HIKESHI: variants seen among roughly 807,000 people sequenced by gnomAD.
HIKESHI encodes protein Hikeshi.
A neutral mutation model predicts 25.7 loss-of-function variants in HIKESHI; 13 were observed. That is an observed-to-expected ratio of 0.51 (90% CI 0.33 to 0.80). The LOEUF (loss-of-function observed/expected upper bound fraction) is 0.80. Ranked by LOEUF, HIKESHI falls within the 30% of genes least tolerant of loss-of-function variation. The pLI is 0.02. For missense variants in HIKESHI, 174 were observed against 229.5 expected (o/e 0.76, Z 1.56); for synonymous variants, 76 against 78.7 (o/e 0.97, Z 0.18).
chr11:86,309,188 A>T (rs1405060293), intron 2 of HIKESHI, among the ~76,000 whole-genome samples: 7 of 152,132 alleles, frequency 4.6e-5, no homozygotes, highest in Non-Finnish European at 5.9e-5. Context: ...TCCCACCAAG[A>T]GTGTAAAAGT....
At chr11:86,335,417 C>A (rs1431466911) in intron 2 of HIKESHI, among the ~76,000 whole-genome samples, 1 of 152,152 alleles carries the variant, frequency 6.6e-6, no homozygotes, top group African/African-American at 2.4e-5. Context: ...CTTTGAAATT[C>A]TCTGACATAT....
chr11:86,311,387 C>T (rs1946829976), intron 2 of HIKESHI, among the ~76,000 whole-genome samples: 1 of 152,162 alleles, frequency 6.6e-6, no homozygotes. Context: ...GTTTGTATTT[C>T]TGTGGGATCG....
chr11:86,326,069 G>A (rs1474073477), intron 2 of HIKESHI, among the ~76,000 whole-genome samples: 2 of 152,044 alleles, frequency 1.3e-5, no homozygotes. Context: ...AGGCTGAGGC[G>A]GGCAGATCAC....
At chr11:86,341,488 C>CTTTTTTTTTT (rs112151717) in intron 3 of HIKESHI, among the ~76,000 whole-genome samples, 1 of 142,810 alleles carries the variant, frequency 7.0e-6, no homozygotes. Context: ...TGGAATTCTC[C>CTTTTTTTTTT]TTTTTTTTTT....
At chr11:86,310,115 A>G (rs1946793660) in intron 2 of HIKESHI, among the ~76,000 whole-genome samples, 1 of 147,968 alleles carries the variant, frequency 6.8e-6, no homozygotes, top group Admixed American at 6.9e-5. Context: ...AGTCATTGGT[A>G]GCTTGATGGG....
chr11:86,323,316 A>G (rs1947196511), intron 2 of HIKESHI, among the ~76,000 whole-genome samples: 1 of 152,192 alleles, frequency 6.6e-6, no homozygotes, highest in Admixed American at 6.5e-5. Flanking sequence ...ATACTTTTAT[A>G]GTTTTTTTGA....
intron 2 of HIKESHI, among the ~76,000 whole-genome samples, chr11:86,309,638 C>A (rs974517169): frequency 3.3e-5 from 5 of 152,094 alleles, no homozygotes; most frequent in Non-Finnish European, 7.4e-5. Flanking sequence ...GTCATGAATT[C>A]CTTGCCCATG....
At chr11:86,305,522 G>T (rs752427219) in intron 1 of HIKESHI, among the ~76,000 whole-genome samples, 29 of 152,026 alleles carry the variant, frequency 1.9e-4, no homozygotes, top group Non-Finnish European at 4.0e-4. Context: ...GAGTACCTGG[G>T]ATTACAGGCA....
In HIKESHI at chr11:86,321,555, C is replaced by T. The variant is rs141213098; in HGVS notation, c.268+15073C>T. Among the ~76,000 whole-genome samples the T allele has an allele frequency of 2.2e-4, 33 of 151,440 alleles. 1 individual carries two copies. In the East Asian group the frequency reaches 6.2e-3, roughly 28 times the overall value. On this transcript the variant is annotated intron_variant, in intron 2 of 4. Transcript: ENST00000278483. ...TTTACATTTTTTTTTTTTGAGACCACGTGTCACTCTGTTGCCCAGGCAGGA... is the reference window on the plus strand; with the variant it reads ...TTTACATTTTTTTTTTTTGAGACCATGTGTCACTCTGTTGCCCAGGCAGGA...
intron 2 of HIKESHI, among the ~76,000 whole-genome samples, chr11:86,336,019 T>C (rs750528663): frequency 1.3e-5 from 2 of 152,140 alleles, no homozygotes; most frequent in Non-Finnish European, 2.9e-5. Context: ...AGAAGAATGA[T>C]ACATCATCAA....
intron 3 of HIKESHI, among the ~76,000 whole-genome samples, chr11:86,339,705 A>G (rs901386502): frequency 6.6e-6 from 1 of 152,126 alleles, no homozygotes; most frequent in Non-Finnish European, 1.5e-5. Context: ...AGTTACTCCA[A>G]ATTTTTATGA....
intron 3 of HIKESHI, among the ~76,000 whole-genome samples, chr11:86,340,499 C>T (rs1454733624): frequency 6.6e-6 from 1 of 152,192 alleles, no homozygotes; most frequent in Non-Finnish European, 1.5e-5. Flanking sequence ...TCTCTGATGA[C>T]CAGTGATGAT....
chr11:86,334,458 G>C (rs926818839), intron 2 of HIKESHI, among the ~76,000 whole-genome samples: 2 of 152,174 alleles, frequency 1.3e-5, no homozygotes, highest in Admixed American at 1.3e-4. Context: ...TGCATTTACT[G>C]TTAACAGTGT....
intron 2 of HIKESHI, among the ~76,000 whole-genome samples, chr11:86,321,057 C>G (rs1159177875): frequency 6.6e-6 from 1 of 152,008 alleles, no homozygotes; most frequent in Non-Finnish European, 1.5e-5. Flanking sequence ...GCCTCAGCCT[C>G]TTGAGTAGCT....
intron 2 of HIKESHI, among the ~76,000 whole-genome samples, chr11:86,307,698 A>G (rs1156420584): frequency 1.0e-5 from 1 of 100,344 alleles, no homozygotes; most frequent in Non-Finnish European, 1.8e-5. Flanking sequence ...TATGTGTAGT[A>G]TACATTATAT....
intron 2 of HIKESHI, among the ~76,000 whole-genome samples, chr11:86,327,342 T>C (rs987171635): frequency 1.6e-4 from 24 of 151,748 alleles, no homozygotes; most frequent in African/African-American, 5.8e-4. Flanking sequence ...TGAGACGGAG[T>C]CTCGCTCTGT....
At chr11:86,332,048 C>T (rs1947441619) in intron 2 of HIKESHI, among the ~76,000 whole-genome samples, 2 of 150,822 alleles carry the variant, frequency 1.3e-5, no homozygotes, top group Non-Finnish European at 3.0e-5. Flanking sequence ...TGGCACTCCG[C>T]CTCCTGTGTT....
Position 86,337,353 on chromosome 11 carries a change from G to A in HIKESHI, c.269-26G>A, listed in dbSNP as rs1394543877. On this transcript the variant is annotated intron_variant, in intron 2 of 4. Transcript: ENST00000278483. ...TGTGACTACAAGTTTAATTTGAAAT[G>A]TGTGTCATATGTTAATTTCTTGCAG... The A allele has an allele frequency of 1.9e-6, 3 of 1,599,308 alleles. No homozygotes were observed. In the African/African-American group the frequency reaches 4.0e-5, roughly 22 times the overall value.
chr11:86,322,975 T>C (rs536549350), intron 2 of HIKESHI, among the ~76,000 whole-genome samples: 3 of 152,198 alleles, frequency 2.0e-5, no homozygotes, highest in Non-Finnish European at 4.4e-5. Flanking sequence ...ATGCCTATAA[T>C]CCTGGCACTT....
Sources: gnomAD v4.1 joint callset for allele counts (sites outside exome capture counted in the v4.1 genomes callset) on GRCh38, gnomAD v4.1.1 for gene constraint, MANE v1.5 for transcripts, NCBI Gene and HGNC (gene_info 2026-07-23, HGNC 2026-07-21) for gene names.